STARD9: variants seen among roughly 807,000 people sequenced by gnomAD.
STARD9 encodes StAR related lipid transfer domain containing 9, also known as stAR-related lipid transfer protein 9.
Under a neutral mutation model 399.8 loss-of-function variants are expected in STARD9, and 346 were observed. The ratio of observed to expected loss-of-function variants is 0.87; its 90% confidence interval spans 0.79 to 0.95. The LOEUF (loss-of-function observed/expected upper bound fraction) is 0.95, where lower values mean the gene tolerates loss of function less well. Among genes scored for constraint, STARD9 ranks in the 40% least tolerant of loss-of-function variants. The pLI is 0.00. For missense variants in STARD9, 5,832 were observed against 5,667.5 expected (o/e 1.03, Z -0.93); for synonymous variants, 2,203 against 2,143.5 (o/e 1.03, Z -0.77).
Position 42,669,246 on chromosome 15 carries a change from G to C in STARD9, c.1406G>C (p.Arg469Thr). ...TACAGTGTGGACATCAACAGGAGGA[G>C]GGCTGGGGTGGTCATCGACTCCAGC... Reference protein sequence around the residue: ...EHYSVDINRRRAGVVIDSSLP... With the variant: ...EHYSVDINRRTAGVVIDSSLP... The change falls in exon 16 of 33, where the codon AGG (arginine) becomes ACG (threonine). Residue 469 changes from arginine to threonine, a missense_variant. By Grantham distance (71) the Arg-to-Thr change is moderately conservative. This residue lies in a region of STARD9 where 5,828 missense variants were observed against 5,651.1 expected (regional missense o/e 1.03). Transcript: ENST00000290607. 6.5e-7 allele frequency: 1 copy of C among 1,537,100 alleles called. No individual in the cohort carries two copies. The highest frequency in any genetic ancestry group is 8.7e-7 in the Non-Finnish European group (1 of 1,146,790).
In STARD9 at chr15:42,686,776, A is replaced by C. The variant is rs1275473589; in HGVS notation, c.5198A>C (p.Asn1733Thr). Reference sequence around the variant, plus strand: ...CTATACCTTCACTCTGCTCCCTGGAATCCATTGTCATCTTCCCTGCAGCCC... The same window carrying C: ...CTATACCTTCACTCTGCTCCCTGGACTCCATTGTCATCTTCCCTGCAGCCC... ...PELYLHSAPWNPLSSSLQPPL... is the reference protein window; with the variant it reads ...PELYLHSAPWTPLSSSLQPPL... Residue 1733 changes from asparagine to threonine, a missense_variant, in exon 23 of 33, where the codon AAT (asparagine) becomes ACT (threonine). Asn to Thr is a moderately conservative substitution (Grantham distance 65). Around this residue, in one of 2 missense-constraint regions of STARD9, gnomAD observed 5,828 missense variants for 5,651.1 expected, o/e 1.03. Transcript: ENST00000290607. 3.9e-6 allele frequency: 6 copies of C among 1,537,330 alleles called. No homozygotes were observed. In the African/African-American group the frequency reaches 6.8e-5, roughly 18 times the overall value.
At position 42,692,843 on chromosome 15, in the gene STARD9, G is replaced by C; in HGVS notation, c.11265G>C (p.Gln3755His). The change falls in exon 23 of 33, where the codon CAG becomes CAC. Residue 3755 changes from glutamine (Q) to histidine (H), a missense_variant. By Grantham distance (24) the Gln-to-His change is conservative. This residue lies in a region of STARD9 where 5,828 missense variants were observed against 5,651.1 expected (regional missense o/e 1.03). Coordinates refer to ENST00000290607, the MANE Select transcript of STARD9 (RefSeq NM_020759.3). ...LCLQTSEAEP[Q>H]GANVILEGLG... ...TCCAGACTTCAGAGGCTGAACCTCA[G>C]GGAGCCAATGTGATCCTTGAAGGGC... is the stretch of plus-strand genomic sequence containing the variant. 1 of 1,537,264 alleles carries C rather than the reference G, an allele frequency of 6.5e-7. No individual in the cohort carries two copies. The highest frequency in any genetic ancestry group is 8.7e-7 in the Non-Finnish European group (1 of 1,146,920).
rs981812262 is a variant in STARD9, at chr15:42,716,681, A to C, written c.13289A>C (p.His4430Pro). 3 of 1,534,394 alleles carry C rather than the reference A, an allele frequency of 2.0e-6. No individual in the cohort carries two copies. In the African/African-American group the frequency reaches 4.1e-5, roughly 21 times the overall value. ...TGAGTATCCTCTCTTCTGCAGGGGCATACAAACTTGCCTGATTCCAGGGAT... is the reference window on the plus strand; with the variant it reads ...TGAGTATCCTCTCTTCTGCAGGGGCCTACAAACTTGCCTGATTCCAGGGAT... ...GQLQFPENMG[H>P]TNLPDSRDVW... The change falls in exon 27 of 33, where the codon CAT becomes CCT. Residue 4430 changes from histidine to proline, a missense_variant. Physicochemically the swap from His to Pro is moderately conservative, Grantham distance 77. Transcript: ENST00000290607.
chr15:42,682,139 G>C lies in STARD9; in HGVS notation c.2101G>C (p.Ala701Pro). The change falls in exon 22 of 33, where the codon GCC becomes CCC. Residue 701 changes from alanine to proline, a missense_variant. Ala to Pro is a conservative substitution (Grantham distance 27, BLOSUM62 -1). Coordinates refer to ENST00000290607, the MANE Select transcript of STARD9 (RefSeq NM_020759.3). ...TCTGCTCAGAGAAGAGACCTGGCTG[G>C]CCAGCTTGCAACAGCAGCAGCAAGA... ...QCLLREETWL[A>P]SLQQQQQEDQ... 6.5e-7 allele frequency: 1 copy of C among 1,537,186 alleles called. No homozygotes were observed. Among genetic ancestry groups the C allele is most frequent in the East Asian group, 2.4e-5 (1 of 40,920 alleles).
intron 6 of STARD9, among the ~76,000 whole-genome samples, 162 bp from the exon 7 acceptor site, chr15:42,638,538 A>G (rs1247226946): frequency 6.6e-6 from 1 of 152,188 alleles, no homozygotes; most frequent in Non-Finnish European, 1.5e-5. Context: ...TCTATTGTAT[A>G]TGTATGGAAA....
Position 42,663,865 on chromosome 15 carries a change from T to C in STARD9, c.1124T>C (p.Leu375Pro), listed in dbSNP as rs1232918477. The C allele has an allele frequency of 6.5e-7, 1 of 1,536,738 alleles. No individual in the cohort carries two copies. Among genetic ancestry groups the C allele is most frequent in the South Asian group, 1.2e-5 (1 of 84,064 alleles). The change falls in exon 13 of 33, where the codon CTG becomes CCG. Residue 375 changes from leucine (L) to proline (P), a missense_variant. Physicochemically the swap from Leu to Pro is moderately conservative, Grantham distance 98 (BLOSUM62 -3). Coordinates refer to ENST00000290607, the MANE Select transcript of STARD9 (RefSeq NM_020759.3). The stretch of plus-strand genomic sequence containing the variant: ...AGCTACAGTGAGACCATGAGCACAC[T>C]GAGATATGCATCCAGTGCCAAAAAC... ...HTSYSETMSTLRYASSAKNII... is the reference protein window; with the variant it reads ...HTSYSETMSTPRYASSAKNII...
chr15:42,664,726 A>T (rs550441855), intron 13 of STARD9, among the ~76,000 whole-genome samples: 2 of 151,804 alleles, frequency 1.3e-5, no homozygotes, highest in African/African-American at 4.8e-5. Flanking sequence ...TGCAAATTGC[A>T]GTGACTTCTC....
In STARD9 at chr15:42,651,056, C is replaced by T; in HGVS notation, c.600C>T (p.Ile200=). The T allele has an allele frequency of 6.5e-7, 1 of 1,535,056 alleles. No individual in the cohort carries two copies. The highest frequency in any genetic ancestry group is 8.7e-7 in the Non-Finnish European group (1 of 1,145,482). Residue 200 remains isoleucine (I), a synonymous_variant, in exon 8 of 33, where the codon ATC becomes ATT. Transcript: ENST00000290607. ...TAGTTACCAATTATAAGCAAGTAATCCAACTCTTGGAGGAGGGAATTGCAA... is the reference window on the plus strand; with the variant it reads ...TAGTTACCAATTATAAGCAAGTAATTCAACTCTTGGAGGAGGGAATTGCAA... ...QHVVTNYKQV[I]QLLEEGIANR...
At position 42,718,088 on chromosome 15, in the gene STARD9, G is replaced by A. The variant is rs1384663882; in HGVS notation, c.13671G>A (p.Ala4557=). The A allele has an allele frequency of 6.5e-6, 10 of 1,537,102 alleles. No individual in the cohort carries two copies. Among genetic ancestry groups the A allele is most frequent in the African/African-American group, 2.7e-5 (2 of 73,026 alleles). Residue 4557 remains alanine (A), a synonymous_variant, in exon 30 of 33, where the codon GCG becomes GCA. Transcript: ENST00000290607. The stretch of plus-strand genomic sequence containing the variant: ...CCCAGCCGCTGTCTCGTGTGTGGGC[G>A]GCTGTCAGTGACCCCACTGTGTGGC... ...VVSQPLSRVW[A]AVSDPTVWPL... is the part of the protein sequence containing the mutation.
At position 42,693,783 on chromosome 15, in the gene STARD9, C is replaced by A; in HGVS notation, c.12205C>A (p.Pro4069Thr). ...TGAGAGTTCAGCATCTCCAGGGGAA[C>A]CACAACGCACTCTGGACCGACCTTC... Reference protein sequence around the residue: ...GGESSASPGEPQRTLDRPSSW... With the variant: ...GGESSASPGETQRTLDRPSSW... Residue 4069 changes from proline to threonine, a missense_variant, in exon 23 of 33, where the codon CCA becomes ACA. Coordinates refer to ENST00000290607, the MANE Select transcript of STARD9 (RefSeq NM_020759.3). 2 of 1,536,196 alleles carry A rather than the reference C, an allele frequency of 1.3e-6. No homozygotes were observed. Among genetic ancestry groups the A allele is most frequent in the Non-Finnish European group, 1.7e-6 (2 of 1,146,526 alleles).
At chr15:42,580,816 A>T (rs942552938) in intron 1 of STARD9, among the ~76,000 whole-genome samples, 1 of 148,970 alleles carries the variant, frequency 6.7e-6, no homozygotes, top group Non-Finnish European at 1.5e-5. Flanking sequence ...GACTTTGTCT[A>T]AAAAAAAAAC....
In STARD9 at chr15:42,718,157, A is replaced by G; in HGVS notation, c.13740A>G (p.Arg4580=). The stretch of plus-strand genomic sequence containing the variant: ...TCCAGACAGCAAGGCTGCATCAGCG[A>G]GTGACCAACAGCATCAGCCTGGGTG... ...KPIQTARLHQ[R]VTNSISLVYL... is the part of the protein sequence containing the mutation. The change falls in exon 30 of 33, where the codon CGA becomes CGG. Residue 4580 remains arginine (R), a synonymous_variant. Coordinates refer to ENST00000290607, the MANE Select transcript of STARD9 (RefSeq NM_020759.3). 6.5e-7 allele frequency: 1 copy of G among 1,536,932 alleles called. No homozygotes were observed. The highest frequency in any genetic ancestry group is 8.7e-7 in the Non-Finnish European group (1 of 1,146,880).
chr15:42,703,675 A>G (rs1312547572), intron 26 of STARD9, among the ~76,000 whole-genome samples: 2 of 151,530 alleles, frequency 1.3e-5, no homozygotes, highest in Admixed American at 6.6e-5. Flanking sequence ...GCCTGGCCAC[A>G]TTTGTTCTTT....
At chr15:42,601,323 TTTCTA>T (rs2058619937) in intron 3 of STARD9, among the ~76,000 whole-genome samples, 1 of 152,170 alleles carries the variant, frequency 6.6e-6, no homozygotes, top group African/African-American at 2.4e-5. Context: ...ATTTCCCCCT[TTTCTA>T]TTCGACAAAA....
intron 3 of STARD9, among the ~76,000 whole-genome samples, chr15:42,594,621 T>C (rs1255409777): frequency 2.0e-5 from 3 of 152,140 alleles, no homozygotes; most frequent in Non-Finnish European, 4.4e-5. Flanking sequence ...AGAGACAAAA[T>C]AACAGTTAGA....
At chr15:42,628,284 AT>A (rs1454238467) in intron 3 of STARD9, among the ~76,000 whole-genome samples, 1 of 151,982 alleles carries the variant, frequency 6.6e-6, no homozygotes, top group Admixed American at 6.6e-5. Context: ...GAATTTTTAG[AT>A]TTTTTATTGA....
intron 15 of STARD9, 32 bp from the exon 16 acceptor site, chr15:42,669,125 GA>G: frequency 1.3e-6 from 2 of 1,499,112 alleles, no homozygotes; most frequent in Non-Finnish European, 1.8e-6. Flanking sequence ...TCCCCATGCT[GA>G]GTGTCTCAGA....
At chr15:42,695,672 T>C (rs2140310954) in intron 25 of STARD9, 71 bp from the exon 26 acceptor site, 1 of 1,481,006 alleles carries the variant, frequency 6.8e-7, no homozygotes, top group Non-Finnish European at 9.0e-7. Flanking sequence ...TGGCTTTGGG[T>C]AGGAAAAGGC....
At position 42,718,032 on chromosome 15, in the gene STARD9, C is replaced by T. The variant is rs758378170; in HGVS notation, c.13615C>T (p.Arg4539Trp). Reference sequence around the variant, plus strand: ...TTACTACAAGGTGTTTTCTCCCACTCGGCATGGCTTCCTGGGGGCAGGTGT... The same window carrying T: ...TTACTACAAGGTGTTTTCTCCCACTTGGCATGGCTTCCTGGGGGCAGGTGT... ...QLYYKVFSPT[R>W]HGFLGAGVVS... The change falls in exon 30 of 33, where the codon CGG becomes TGG. Residue 4539 changes from arginine (R) to tryptophan (W), a missense_variant. Transcript: ENST00000290607. The T allele has an allele frequency of 4.2e-5, 64 of 1,537,114 alleles. No individual in the cohort carries two copies. The highest frequency in any genetic ancestry group is 7.1e-5 in the South Asian group (6 of 84,064).
Sources: allele counts gnomAD v4.1 joint callset (sites outside exome capture counted in the v4.1 genomes callset), GRCh38; gene constraint gnomAD v4.1.1; regional missense constraint gnomAD v4.1.1; transcripts MANE v1.5; gene names NCBI Gene and HGNC (gene_info 2026-07-23, HGNC 2026-07-21).